Variants in HKDC1 observed in about 807,000 individuals in gnomAD.
The protein encoded by HKDC1 is hexokinase domain containing 1, also known as hexokinase HKDC1.
Under a neutral mutation model 96.6 loss-of-function variants are expected in HKDC1, and 66 were observed. That is an observed-to-expected ratio of 0.68 (90% CI 0.56 to 0.84). The LOEUF (loss-of-function observed/expected upper bound fraction) is 0.84. Ranked by LOEUF, HKDC1 falls within the 40% of genes least tolerant of loss-of-function variation. HKDC1 has a pLI of 0.00. For missense variants in HKDC1, 1,211 were observed against 1,208.1 expected, an observed-to-expected ratio of 1.00 and a Z score of -0.04; for synonymous variants, 466 against 473.1, an observed-to-expected ratio of 0.98 and a Z score of 0.20.
At chr10:69,265,273 C>A in intron 16 of HKDC1, 1 of 330,764 alleles carries the variant, frequency 3.0e-6, no homozygotes. Context: ...CCACAGCCTC[C>A]TCTTCTGAAA....
rs763805337 is a variant in HKDC1, at chr10:69,257,116, C to T, written c.1917C>T (p.Ala639=). 16 of 1,614,030 alleles carry T rather than the reference C, an allele frequency of 9.9e-6. No individual in the cohort carries two copies. Among genetic ancestry groups the T allele is most frequent in the Non-Finnish European group, 1.4e-5 (16 of 1,179,948 alleles). ...ACGTGGTGGACATGCTCAGGGAAGC[C>T]ATCAAGAGGAGAAACGTAGGATGTG... ...GEDVVDMLRE[A]IKRRNEFDLD... is the part of the protein sequence containing the mutation. The change falls in exon 13 of 18, where the codon GCC becomes GCT. Residue 639 remains alanine, a synonymous_variant. Transcript: ENST00000354624.
intron 5 of HKDC1, among the ~76,000 whole-genome samples, chr10:69,239,490 G>C (rs970650254): frequency 6.6e-6 from 1 of 152,140 alleles, no homozygotes; most frequent in African/African-American, 2.4e-5. Flanking sequence ...TATACTTTCC[G>C]GGCTGGTTCC....
At chr10:69,254,542 A>G (rs746992269) in intron 12 of HKDC1, among the ~76,000 whole-genome samples, 7 of 152,076 alleles carry the variant, frequency 4.6e-5, no homozygotes, top group Non-Finnish European at 7.4e-5. Flanking sequence ...TGGCTTCTCT[A>G]CTTATTGGCT....
At chr10:69,239,945 A>G (rs1285848491) in intron 5 of HKDC1, among the ~76,000 whole-genome samples, 1 of 151,950 alleles carries the variant, frequency 6.6e-6, no homozygotes, top group Non-Finnish European at 1.5e-5. Flanking sequence ...ATGTTCTTCC[A>G]AACTTTGGGG....
chr10:69,245,150 C>T (rs1269045189), intron 7 of HKDC1, among the ~76,000 whole-genome samples: 1 of 152,316 alleles, frequency 6.6e-6, no homozygotes, highest in African/African-American at 2.4e-5. Flanking sequence ...GATCCACCCG[C>T]CTTGGCCTCC....
At chr10:69,266,273 C>T (rs1211975736) in intron 17 of HKDC1, among the ~76,000 whole-genome samples, 2 of 152,082 alleles carry the variant, frequency 1.3e-5, no homozygotes, top group East Asian at 1.9e-4. Context: ...TCCATTTCCA[C>T]AAACATAAAT....
chr10:69,237,592 T>C (rs1407425473), intron 4 of HKDC1, among the ~76,000 whole-genome samples: 2 of 152,218 alleles, frequency 1.3e-5, no homozygotes, highest in Non-Finnish European at 2.9e-5. Flanking sequence ...ATTGCCTTTT[T>C]AATTTAACAT....
At chr10:69,233,947 G>A (rs1843320578) in intron 4 of HKDC1, among the ~76,000 whole-genome samples, 1 of 149,008 alleles carries the variant, frequency 6.7e-6, no homozygotes, top group African/African-American at 2.5e-5. Context: ...ATGTCCTGGA[G>A]CAGACACAGA....
chr10:69,267,281 A>C lies in HKDC1; in HGVS notation c.*524A>C, dbSNP rs955013444. The C allele has an allele frequency of 4.4e-5, 15 of 337,388 alleles. No individual in the cohort carries two copies. Among genetic ancestry groups the C allele is most frequent in the African/African-American group, 3.3e-4 (15 of 46,110 alleles). The allele number at this position is 337,388 out of a possible 1,614,324, so 20.9% of individuals were successfully genotyped here. On this transcript the variant is annotated 3_prime_UTR_variant, in exon 18 of 18. Coordinates refer to ENST00000354624, the MANE Select transcript of HKDC1 (RefSeq NM_025130.4). ...ATGTTGACTTCAAACCTATTAAGAG[A>C]ACAAAGACTTTGAAGTATCCAGCCC...
At chr10:69,263,122 T>C (rs1843835194) in intron 16 of HKDC1, among the ~76,000 whole-genome samples, 1 of 152,126 alleles carries the variant, frequency 6.6e-6, no homozygotes, top group Non-Finnish European at 1.5e-5. Flanking sequence ...TGGAGTGCTG[T>C]GTTGCAATCA....
chr10:69,261,212 G>A lies in HKDC1; in HGVS notation c.2290G>A (p.Gly764Ser), dbSNP rs749723837. The A allele has an allele frequency of 3.1e-6, 5 of 1,613,900 alleles. No individual in the cohort carries two copies. The African/African-American group carries it at 5.3e-5, about 17-fold the overall frequency. ...RQILIDLTKQGLLFRGQISER... is the reference protein window; with the variant it reads ...RQILIDLTKQSLLFRGQISER... ...GATCCTGATCGACCTGACCAAGCAG[G>A]GTCTCCTCTTCCGAGGGCAGATTTC... The change falls in exon 16 of 18, where the codon GGT becomes AGT. Residue 764 changes from glycine to serine, a missense_variant. Physicochemically the swap from Gly to Ser is moderately conservative, Grantham distance 56 (BLOSUM62 0). Coordinates refer to ENST00000354624, the MANE Select transcript of HKDC1 (RefSeq NM_025130.4).
At chr10:69,254,097 G>A (rs1347016789) in intron 12 of HKDC1, among the ~76,000 whole-genome samples, 1 of 152,206 alleles carries the variant, frequency 6.6e-6, no homozygotes, top group Non-Finnish European at 1.5e-5. Context: ...TTGAGGTCAG[G>A]AGTTTGAGAC....
At chr10:69,238,961 A>AC in intron 4 of HKDC1, 81 bp from the exon 5 acceptor site, 1 of 921,820 alleles carries the variant, frequency 1.1e-6, no homozygotes, top group Non-Finnish European at 1.7e-6. Flanking sequence ...TGGGGGATGC[A>AC]CGTAGGCATG....
chr10:69,267,522 A>T lies in HKDC1; in HGVS notation c.*765A>T, dbSNP rs1200596281. On this transcript the variant is annotated 3_prime_UTR_variant, in exon 18 of 18. Coordinates refer to ENST00000354624, the MANE Select transcript of HKDC1 (RefSeq NM_025130.4). ...TTGTTAGGTATAGGAAATCCAGTAA[A>T]TTAATAAAAAAATTTTGATTTTCCA... 2.2e-6 allele frequency: 1 copy of T among 450,738 alleles called. No homozygotes were observed. The allele number at this position is 450,738 out of a possible 1,614,324, so 27.9% of individuals were successfully genotyped here.
chr10:69,249,565 C>G (rs941411795), intron 10 of HKDC1, among the ~76,000 whole-genome samples: 2 of 152,126 alleles, frequency 1.3e-5, no homozygotes, highest in African/African-American at 2.4e-5. Flanking sequence ...GCGTGATCTC[C>G]GCTCACTGCA....
At chr10:69,230,769 A>G (rs1265629314) in intron 2 of HKDC1, among the ~76,000 whole-genome samples, 1 of 152,110 alleles carries the variant, frequency 6.6e-6, no homozygotes, top group Non-Finnish European at 1.5e-5. Flanking sequence ...GCATGCCACT[A>G]CGCCCAACTG....
chr10:69,264,934 T>C (rs554347177), intron 16 of HKDC1, among the ~76,000 whole-genome samples: 1 of 152,346 alleles, frequency 6.6e-6, no homozygotes, highest in Non-Finnish European at 1.5e-5. Flanking sequence ...TGGGTGTTTC[T>C]CTGCATGTGT....
rs1229294285 is a variant in HKDC1 at position 69,265,549 on chromosome 10, G to C, written c.2373-36G>C. On this transcript the variant is annotated intron_variant, in intron 16 of 17. Transcript: ENST00000354624. ...CACTGGGCACATCCCGGGGTCCTGG[G>C]AAGCAGGTCCTGACTCCCTGCTCTA... 3 of 1,580,122 alleles carry C rather than the reference G, an allele frequency of 1.9e-6. No individual in the cohort carries two copies. The Admixed American group carries it at 5.1e-5, about 27-fold the overall frequency.
rs775008560 is a variant in HKDC1 at position 69,261,193 on chromosome 10, G to T, written c.2271G>T (p.Leu757=). The T allele has an allele frequency of 3.7e-6, 6 of 1,614,076 alleles. No homozygotes were observed. The highest frequency in any genetic ancestry group is 5.1e-6 in the Non-Finnish European group (6 of 1,179,962). Residue 757 remains leucine, a synonymous_variant, in exon 16 of 18, where the codon CTG becomes CTT. Coordinates refer to ENST00000354624, the MANE Select transcript of HKDC1 (RefSeq NM_025130.4). ...MYLGEIVRQI[L]IDLTKQGLLF... ...TGGGGGAGATTGTGCGGCAGATCCT[G>T]ATCGACCTGACCAAGCAGGGTCTCC...
Sources: gnomAD v4.1 joint callset for allele counts (sites outside exome capture counted in the v4.1 genomes callset) on GRCh38, gnomAD v4.1.1 for gene constraint, MANE v1.5 for transcripts, NCBI Gene and HGNC (gene_info 2026-07-23, HGNC 2026-07-21) for gene names.